The following PREX1 variants were observed in gnomAD, a reference collection of about 807,000 sequenced individuals.
PREX1 encodes phosphatidylinositol 3,4,5-trisphosphate-dependent Rac exchanger 1 protein.
PREX1 carries 41 observed loss-of-function variants against 198.3 expected under a neutral mutation model. The observed-to-expected ratio is 0.21, with a 90% CI of 0.16 to 0.27. The LOEUF (loss-of-function observed/expected upper bound fraction) is 0.27. Among genes scored for constraint, PREX1 ranks in the 10% least tolerant of loss-of-function variants. The pLI is 1.00. For missense variants in PREX1, 1,620 were observed against 2,200.7 expected (o/e 0.74, Z 5.28); for synonymous variants, 843 against 887.2 (o/e 0.95, Z 0.89).
At chr20:48,683,889 G>A (rs1319293342) in intron 10 of PREX1, among the ~76,000 whole-genome samples, 1 of 152,070 alleles carries the variant, frequency 6.6e-6, no homozygotes, top group East Asian at 1.9e-4. Context: ...TCTGGGCAAG[G>A]GGATCAGCGC....
chr20:48,627,397 T>G, intron 39 of PREX1, 151 bp downstream of exon 39: 2 of 848,420 alleles, frequency 2.4e-6, no homozygotes, highest in Non-Finnish European at 3.7e-6. Flanking sequence ...GTGACAAAGT[T>G]GTGTCTGTTG....
Position 48,827,098 on chromosome 20 carries a change from C to A in PREX1, c.219+544G>T, listed in dbSNP as rs2090512331. Reference sequence around the variant, plus strand: ...AGTTTTGAGTTCGAAACCCACTCTCCCCGAACTCCAGCAAAAACCTGTGCA... The same window carrying A: ...AGTTTTGAGTTCGAAACCCACTCTCACCGAACTCCAGCAAAAACCTGTGCA... On this transcript the variant is annotated intron_variant, in intron 1 of 39. Coordinates refer to ENST00000371941, the MANE Select transcript of PREX1 (RefSeq NM_020820.4). The surrounding 1 kb of genome is among the most constrained non-coding windows in gnomAD (Gnocchi z 4.1). Among the ~76,000 whole-genome samples, 1 of 152,136 alleles carries A rather than the reference C, an allele frequency of 6.6e-6. No homozygotes were observed. The highest frequency in any genetic ancestry group is 2.4e-5 in the African/African-American group (1 of 41,414).
At chr20:48,884,058 G>A in the PREX1 span, among the ~76,000 whole-genome samples, 10 of 151,074 alleles carry the variant, frequency 6.6e-5, no homozygotes, top group African/African-American at 7.3e-5. Flanking sequence ...GAGAACGGCC[G>A]TGAACTCAGG....
chr20:48,632,008 T>C (rs2122817350), intron 35 of PREX1, among the ~76,000 whole-genome samples: 1 of 152,304 alleles, frequency 6.6e-6, no homozygotes, highest in East Asian at 1.9e-4. Context: ...AGACCCCAGT[T>C]CAAAGCTCAG....
chr20:48,859,455 A>G, the PREX1 span, among the ~76,000 whole-genome samples: 14 of 152,224 alleles, frequency 9.2e-5, no homozygotes, highest in African/African-American at 3.1e-4. Flanking sequence ...AAGAACTTCC[A>G]GACACAAATC....
intron 5 of PREX1, among the ~76,000 whole-genome samples, chr20:48,724,743 T>TG (rs1871569588): frequency 6.6e-6 from 1 of 152,266 alleles, no homozygotes; most frequent in Non-Finnish European, 1.5e-5. Flanking sequence ...TACAGTACAC[T>TG]GTCTCTTAAT....
intron 4 of PREX1, among the ~76,000 whole-genome samples, chr20:48,728,383 T>A (rs2090018967): frequency 6.6e-6 from 1 of 152,168 alleles, no homozygotes; most frequent in South Asian, 2.1e-4. Context: ...CATGGGGAAA[T>A]CGTGGCACGA....
Position 48,666,859 on chromosome 20 carries a change from G to A in PREX1, c.1666-504C>T, listed in dbSNP as rs554884511. Among the ~76,000 whole-genome samples the A allele has an allele frequency of 6.6e-6, 1 of 152,218 alleles. No individual in the cohort carries two copies. The highest frequency in any genetic ancestry group is 1.9e-4 in the East Asian group (1 of 5,186). ...ATTATTATTAATAAACTCCAAACAA[G>A]ACTATTTTATTGTACTGTGATCAAT... is the stretch of plus-strand genomic sequence containing the variant. On this transcript the variant is annotated intron_variant, in intron 14 of 39. Coordinates refer to ENST00000371941, the MANE Select transcript of PREX1 (RefSeq NM_020820.4). This position sits in a 1 kb window ranked among gnomAD's most constrained non-coding sequence, Gnocchi z 4.3.
chr20:48,876,126 A>C, the PREX1 span, among the ~76,000 whole-genome samples: 1 of 152,088 alleles, frequency 6.6e-6, no homozygotes, highest in Non-Finnish European at 1.5e-5. Flanking sequence ...ACACAAACAC[A>C]CGACTTTTGG....
chr20:48,767,241 C>T (rs1000024350), intron 1 of PREX1, among the ~76,000 whole-genome samples: 1 of 152,216 alleles, frequency 6.6e-6, no homozygotes, highest in Non-Finnish European at 1.5e-5. Flanking sequence ...CCAGTGACAA[C>T]CAGCCACACC....
the PREX1 span, among the ~76,000 whole-genome samples, chr20:48,843,038 C>T: frequency 6.6e-6 from 1 of 152,146 alleles, no homozygotes; most frequent in Non-Finnish European, 1.5e-5. Context: ...CCCATACTTG[C>T]CTAATCTTAA....
At position 48,674,924 on chromosome 20, in the gene PREX1, T is replaced by G. The variant is rs995600661; in HGVS notation, c.1665+1269A>C. Among the ~76,000 whole-genome samples, 3 of 152,330 alleles carry G rather than the reference T, an allele frequency of 2.0e-5. No homozygotes were observed. In the South Asian group the frequency reaches 6.2e-4, roughly 32 times the overall value. ...GCCAACTCCAAACAGAGGCTGCAGT[T>G]TGGTACCAGAATAAAACCATCTTGT... On this transcript the variant is annotated intron_variant, in intron 14 of 39. Transcript: ENST00000371941.
rs778890696 is a variant in PREX1, at chr20:48,691,105, G to A, written c.1037-9C>T. 1.2e-6 allele frequency: 2 copies of A among 1,614,142 alleles called. No homozygotes were observed. The highest frequency in any genetic ancestry group is 4.5e-5 in the East Asian group (2 of 44,884). ...GTTGCTATGGTAATCCGCTGGTGGG[G>A]GCAGGAGGCAAAGGTGCAGCAGAGA... On this transcript the variant is annotated splice_polypyrimidine_tract_variant and intron_variant, in intron 8 of 39. Coordinates refer to ENST00000371941, the MANE Select transcript of PREX1 (RefSeq NM_020820.4). The surrounding 1 kb of genome is among the most constrained non-coding windows in gnomAD (Gnocchi z 5.0).
chr20:48,716,538 C>T (rs1300244358), intron 5 of PREX1, among the ~76,000 whole-genome samples: 1 of 152,184 alleles, frequency 6.6e-6, no homozygotes, highest in African/African-American at 2.4e-5. Context: ...CAGGAGAGGA[C>T]TGGGGGAAGA....
intron 1 of PREX1, among the ~76,000 whole-genome samples, chr20:48,803,971 G>T (rs1485630202): frequency 6.6e-6 from 1 of 152,210 alleles, no homozygotes; most frequent in East Asian, 1.9e-4. Flanking sequence ...AAACAGTCCT[G>T]AGTGATACAG....
intron 1 of PREX1, among the ~76,000 whole-genome samples, chr20:48,759,558 A>AAG (rs1014616244): frequency 6.6e-6 from 1 of 151,238 alleles, no homozygotes; most frequent in Non-Finnish European, 1.5e-5. Flanking sequence ...TCAAAAAAAA[A>AAG]AAAAAAAAAA....
chr20:48,846,605 C>T, the PREX1 span, among the ~76,000 whole-genome samples: 2 of 152,224 alleles, frequency 1.3e-5, no homozygotes, highest in African/African-American at 4.8e-5. Flanking sequence ...GCAGCCGCTC[C>T]TGGCGGTCAA....
the PREX1 span, among the ~76,000 whole-genome samples, chr20:48,858,292 C>T: frequency 3.3e-5 from 5 of 152,208 alleles, no homozygotes; most frequent in Non-Finnish European, 7.3e-5. Flanking sequence ...GTCTCGTCCG[C>T]CTTGGGCTGT....
At chr20:48,873,593 GC>G in the PREX1 span, among the ~76,000 whole-genome samples, 35 of 149,024 alleles carry the variant, frequency 2.3e-4, no homozygotes, top group Non-Finnish European at 4.9e-4. Context: ...GGTGGCGGGC[GC>G]CTATAATCCC....
Sources: gnomAD v4.1 joint callset for allele counts (sites outside exome capture counted in the v4.1 genomes callset) on GRCh38, gnomAD v4.1.1 for gene constraint, Gnocchi (gnomAD v3.1) non-coding constraint, MANE v1.5 for transcripts, NCBI Gene and HGNC (gene_info 2026-07-23, HGNC 2026-07-21) for gene names.